The following SLC2A13 variants were observed in gnomAD, a reference collection of about 807,000 sequenced individuals.
SLC2A13 encodes the protein solute carrier family 2 member 13, also known as proton myo-inositol cotransporter.
In SLC2A13, 32 loss-of-function variants were observed where a neutral mutation model predicts 64.4. The observed-to-expected ratio is 0.50, with a 90% CI of 0.37 to 0.67. SLC2A13 has a LOEUF of 0.67. Ranked by LOEUF, SLC2A13 falls within the 30% of genes least tolerant of loss-of-function variation. The probability of loss-of-function intolerance (pLI) is 0.00; values close to 1 mark genes in which losing one functional copy is unlikely to be tolerated. For synonymous variants in SLC2A13, 338 were observed against 327.1 expected (o/e 1.03, Z -0.36); for missense variants, 743 against 829.2 (o/e 0.90, Z 1.28).
At chr12:39,903,411 G>T (rs576345002) in intron 4 of SLC2A13, among the ~76,000 whole-genome samples, 1 of 152,068 alleles carries the variant, frequency 6.6e-6, no homozygotes, top group South Asian at 2.1e-4. Context: ...CTTGATAGGG[G>T]TAATGGGAGT....
At chr12:40,072,734 T>A (rs549894213) in intron 1 of SLC2A13, among the ~76,000 whole-genome samples, 1 of 152,256 alleles carries the variant, frequency 6.6e-6, no homozygotes, top group Non-Finnish European at 1.5e-5. Context: ...ATCTTTCCCA[T>A]GCTTTTAATC....
chr12:40,032,629 C>A (rs1198841637), intron 2 of SLC2A13, among the ~76,000 whole-genome samples: 2 of 152,220 alleles, frequency 1.3e-5, no homozygotes, highest in African/African-American at 4.8e-5. Flanking sequence ...GGGGCCAGAC[C>A]TCCTGCTATG....
intron 1 of SLC2A13, among the ~76,000 whole-genome samples, chr12:40,074,165 C>CT (rs1938074293): frequency 1.1e-5 from 1 of 90,522 alleles, no homozygotes; most frequent in African/African-American, 4.5e-5. Context: ...CCATCAAAGA[C>CT]ATTTTTTTTT....
intron 3 of SLC2A13, among the ~76,000 whole-genome samples, chr12:39,956,016 G>C (rs921024350): frequency 6.6e-6 from 1 of 152,132 alleles, no homozygotes; most frequent in Non-Finnish European, 1.5e-5. Context: ...CCAGGAAAAA[G>C]CCAGAAACAC....
At chr12:39,777,864 T>C (rs1167698116) in intron 7 of SLC2A13, among the ~76,000 whole-genome samples, 1 of 152,192 alleles carries the variant, frequency 6.6e-6, no homozygotes, top group Non-Finnish European at 1.5e-5. Context: ...CCACGTGTGA[T>C]CTGATTCTTC....
chr12:40,073,228 CAT>C (rs919879502), intron 1 of SLC2A13, among the ~76,000 whole-genome samples: 4 of 147,656 alleles, frequency 2.7e-5, no homozygotes, highest in African/African-American at 1.0e-4. Context: ...TACACACACA[CAT>C]GCACATACAA....
At chr12:39,791,402 G>C (rs1286605214) in intron 7 of SLC2A13, among the ~76,000 whole-genome samples, 1 of 46,734 alleles carries the variant, frequency 2.1e-5, no homozygotes, top group Non-Finnish European at 4.3e-5. Context: ...GGAAATAAAG[G>C]GTATTCAATT....
At chr12:40,097,472 T>C (rs1470095748) in intron 1 of SLC2A13, among the ~76,000 whole-genome samples, 1 of 152,136 alleles carries the variant, frequency 6.6e-6, no homozygotes, top group East Asian at 1.9e-4. Context: ...ATCATATATC[T>C]GATAGGGGGT....
At chr12:39,803,916 C>A (rs536883551) in intron 7 of SLC2A13, among the ~76,000 whole-genome samples, 1 of 152,124 alleles carries the variant, frequency 6.6e-6, no homozygotes, top group South Asian at 2.1e-4. Context: ...AATAAAATTA[C>A]ACCTCTATCA....
intron 2 of SLC2A13, among the ~76,000 whole-genome samples, chr12:40,047,534 C>G (rs1033221024): frequency 1.3e-5 from 2 of 152,088 alleles, no homozygotes; most frequent in East Asian, 3.9e-4. Flanking sequence ...TTTAAAACCA[C>G]TTTTGTCATT....
rs1938150456 is a variant in SLC2A13, at chr12:40,075,838, T to G, written c.557-27628A>C. On this transcript the variant is annotated intron_variant, in intron 1 of 9. Coordinates refer to ENST00000280871, the MANE Select transcript of SLC2A13 (RefSeq NM_052885.4). The stretch of plus-strand genomic sequence containing the variant: ...TTTCTATTGTTTGAATTACTTATAT[T>G]TATCTGTCTTAAGTTCACTCACTTT... 2.0e-5 allele frequency among the ~76,000 whole-genome samples: 3 copies of G among 152,188 alleles called. 1 individual carries two copies. The highest frequency in any genetic ancestry group is 2.0e-4 in the Admixed American group (3 of 15,266).
intron 3 of SLC2A13, among the ~76,000 whole-genome samples, chr12:39,954,822 C>T (rs902941159): frequency 2.6e-5 from 4 of 152,112 alleles, no homozygotes; most frequent in East Asian, 1.9e-4. Context: ...CAATCCTAAA[C>T]GTGTATGCAC....
intron 1 of SLC2A13, among the ~76,000 whole-genome samples, chr12:40,087,282 G>A (rs1938616312): frequency 6.6e-6 from 1 of 152,128 alleles, no homozygotes; most frequent in African/African-American, 2.4e-5. Context: ...TGTAACTTTA[G>A]AGTTTAACAT....
At chr12:39,992,343 C>T (rs147327923) in intron 3 of SLC2A13, among the ~76,000 whole-genome samples, 9 of 152,160 alleles carry the variant, frequency 5.9e-5, no homozygotes, top group East Asian at 5.8e-4. Context: ...TCTCCCCTGA[C>T]AGATGCTAGC....
chr12:39,979,484 T>C (rs1000216100), intron 3 of SLC2A13, among the ~76,000 whole-genome samples: 44 of 147,952 alleles, frequency 3.0e-4, no homozygotes, highest in African/African-American at 1.1e-3. Context: ...TTAAAGGAGC[T>C]GATGGAGCTG....
chr12:40,083,277 C>T (rs900476968), intron 1 of SLC2A13, among the ~76,000 whole-genome samples: 5 of 152,136 alleles, frequency 3.3e-5, no homozygotes, highest in Non-Finnish European at 7.4e-5. Flanking sequence ...TTCTCCACCA[C>T]TTCCCTGACC....
intron 3 of SLC2A13, among the ~76,000 whole-genome samples, chr12:40,025,991 T>C (rs930321677): frequency 1.2e-4 from 19 of 152,212 alleles, no homozygotes; most frequent in African/African-American, 4.6e-4. Context: ...ACAATACTGA[T>C]AATACAATTC....
At chr12:39,806,138 C>T (rs573239902) in intron 7 of SLC2A13, among the ~76,000 whole-genome samples, 2 of 152,114 alleles carry the variant, frequency 1.3e-5, no homozygotes, top group South Asian at 4.2e-4. Context: ...CAAGAGCTTC[C>T]GAGAACACGA....
chr12:39,944,128 T>C (rs899184354), intron 4 of SLC2A13, among the ~76,000 whole-genome samples: 2 of 152,272 alleles, frequency 1.3e-5, no homozygotes, highest in African/African-American at 4.8e-5. Flanking sequence ...GCAGGTTATT[T>C]AATTTCCATG....
Sources: allele counts gnomAD v4.1 joint callset (sites outside exome capture counted in the v4.1 genomes callset), GRCh38; gene constraint gnomAD v4.1.1; transcripts MANE v1.5; gene names NCBI Gene and HGNC (gene_info 2026-07-23, HGNC 2026-07-21).